Variants in DST observed in about 807,000 individuals in gnomAD.
The protein encoded by DST is dystonin.
DST carries 253 observed loss-of-function variants against 875.2 expected under a neutral mutation model. That is an observed-to-expected ratio of 0.29 (90% CI 0.26 to 0.32). The LOEUF is 0.32. DST is among the 10% of genes least tolerant of loss of function. DST has a pLI of 1.00. For missense variants in DST, 8,287 were observed against 9,111.6 expected, an observed-to-expected ratio of 0.91 and a Z score of 3.68; for synonymous variants, 3,124 against 3,197.1, an observed-to-expected ratio of 0.98 and a Z score of 0.77.
In DST at chr6:56,629,333, C is replaced by A. The variant is rs2098758411; in HGVS notation, c.4392G>T (p.Arg1464=). The change falls in exon 32 of 104, where the codon CGG becomes CGT. Residue 1464 remains arginine (R), a synonymous_variant. Transcript: ENST00000680361. ...SDEMFKTYKE[R]DLDFDWHKEK... ...CTTTGTGCCAGTCAAAATCAAGGTC[C>A]CGTTCTTTATACGTTTTAAACATTT... The A allele has an allele frequency of 1.2e-6, 2 of 1,613,706 alleles. No homozygotes were observed. The highest frequency in any genetic ancestry group is 1.7e-6 in the Non-Finnish European group (2 of 1,179,786).
At chr6:56,611,274 C>T (rs1229346767) in intron 38 of DST, among the ~76,000 whole-genome samples, 1 of 152,152 alleles carries the variant, frequency 6.6e-6, no homozygotes, top group Non-Finnish European at 1.5e-5. Context: ...CCTCTCTGAG[C>T]CTGTTTCCTT....
At chr6:56,567,815 T>TA (rs1055673932) in intron 55 of DST, among the ~76,000 whole-genome samples, 2 of 152,140 alleles carry the variant, frequency 1.3e-5, no homozygotes, top group Non-Finnish European at 2.9e-5. Flanking sequence ...ATTATTTTTT[T>TA]AAAAAAACTT....
chr6:56,694,100 T>C (rs2099249039), intron 9 of DST, among the ~76,000 whole-genome samples: 1 of 150,274 alleles, frequency 6.7e-6, no homozygotes, highest in Non-Finnish European at 1.5e-5. Flanking sequence ...TTTATAATCA[T>C]ACCCTAGTTA....
intron 10 of DST, among the ~76,000 whole-genome samples, chr6:56,667,900 G>A (rs1400098884): frequency 6.6e-5 from 10 of 151,576 alleles, no homozygotes; most frequent in Admixed American, 1.3e-4. Flanking sequence ...AATGTCCAGA[G>A]GCCATTGTTT....
In DST at chr6:56,636,609, T is replaced by G. The variant is rs1366464246; in HGVS notation, c.3008A>C (p.Gln1003Pro). 3.1e-6 allele frequency: 5 copies of G among 1,613,686 alleles called. No individual in the cohort carries two copies. Among genetic ancestry groups the G allele is most frequent in the Non-Finnish European group, 4.2e-6 (5 of 1,179,964 alleles). The change falls in exon 23 of 104, where the codon CAG becomes CCG. Residue 1003 changes from glutamine to proline, a missense_variant. Physicochemically the swap from Gln to Pro is moderately conservative, Grantham distance 76. Coordinates refer to ENST00000680361, the MANE Select transcript of DST (RefSeq NM_001374736.1). ...GTGCTGCTCCACACACTGGCAGAGC[T>G]GTAAGATCCAGCTCCACTGCGTCTG... ...AMQTQWSWIL[Q>P]LCQCVEQHIK...
chr6:56,551,906 T>C (rs1371311638), intron 61 of DST, among the ~76,000 whole-genome samples: 1 of 152,134 alleles, frequency 6.6e-6, no homozygotes, highest in Non-Finnish European at 1.5e-5. Flanking sequence ...ATTCCAGAAA[T>C]GGACCCTATG....
intron 3 of DST, among the ~76,000 whole-genome samples, chr6:56,888,725 T>C (rs960901507): frequency 2.0e-5 from 3 of 152,230 alleles, no homozygotes; most frequent in Admixed American, 6.5e-5. Context: ...TCTGGTTAAT[T>C]TAATTATTAC....
At chr6:56,659,699 T>C (rs1348034757) in intron 10 of DST, among the ~76,000 whole-genome samples, 2 of 152,106 alleles carry the variant, frequency 1.3e-5, no homozygotes, top group South Asian at 2.1e-4. Context: ...AGGAAAGGAA[T>C]GATATAAGGT....
chr6:56,630,875 C>A (rs371174816), intron 30 of DST, among the ~76,000 whole-genome samples: 2 of 151,926 alleles, frequency 1.3e-5, no homozygotes, highest in African/African-American at 4.8e-5. Context: ...CTCCACCTCC[C>A]GGGTTCAAGT....
At chr6:56,506,629 C>T in intron 76 of DST, 38 bp downstream of exon 76, 3 of 1,611,516 alleles carry the variant, frequency 1.9e-6, no homozygotes, top group Non-Finnish European at 2.5e-6. Context: ...TAACTAAAAA[C>T]TTTTTAAAAG....
chr6:56,945,354 A>C (rs1562490405), intron 2 of DST, among the ~76,000 whole-genome samples: 1 of 152,202 alleles, frequency 6.6e-6, no homozygotes, highest in Non-Finnish European at 1.5e-5. Context: ...TTAAAAGAGA[A>C]GACAGATGGG....
chr6:56,689,613 T>C (rs1358835949), intron 9 of DST, among the ~76,000 whole-genome samples: 1 of 152,150 alleles, frequency 6.6e-6, no homozygotes, highest in Non-Finnish European at 1.5e-5. Flanking sequence ...CTTTGAGAAG[T>C]ACTGCTGCAG....
At chr6:56,753,857 A>T (rs2099595027) in intron 4 of DST, among the ~76,000 whole-genome samples, 1 of 152,238 alleles carries the variant, frequency 6.6e-6, no homozygotes, top group Non-Finnish European at 1.5e-5. Context: ...TCATGGAGGC[A>T]TATTCATTAA....
At chr6:56,561,691 T>C (rs1187859726) in intron 56 of DST, 142 bp from the exon 57 acceptor site, 4 of 746,410 alleles carry the variant, frequency 5.4e-6, no homozygotes, top group Non-Finnish European at 8.1e-6. Flanking sequence ...CATAAGCTTT[T>C]CAGAAATAAA....
chr6:56,625,077 C>T (rs998852539), intron 35 of DST, 80 bp downstream of exon 35: 4 of 1,016,452 alleles, frequency 3.9e-6, no homozygotes, highest in African/African-American at 1.6e-5. Context: ...GTATATTTTA[C>T]CACAACAAAA....
At chr6:56,459,435 G>T (rs2094207434) in intron 103 of DST, among the ~76,000 whole-genome samples, 168 bp from the exon 104 acceptor site, 1 of 152,174 alleles carries the variant, frequency 6.6e-6, no homozygotes, top group African/African-American at 2.4e-5. Flanking sequence ...AGGGTATGCA[G>T]GCTTACTCTA....
At chr6:56,482,233 G>A in intron 89 of DST, 55 bp from the exon 90 acceptor site, 2 of 1,562,212 alleles carry the variant, frequency 1.3e-6, no homozygotes, top group South Asian at 1.2e-5. Flanking sequence ...ATGCCTGTTA[G>A]CACAATTTAC....
intron 36 of DST, chr6:56,615,380 A>G (rs142367281): frequency 6.6e-7 from 1 of 1,524,866 alleles, no homozygotes. Context: ...TTGAGCACTT[A>G]GCAATTTGCA....
chr6:56,587,028 T>C (rs543562858), intron 49 of DST, among the ~76,000 whole-genome samples: 41 of 152,204 alleles, frequency 2.7e-4, no homozygotes, highest in South Asian at 6.2e-4. Context: ...AGGAACACAG[T>C]TCCTCACCAG....
Sources: allele counts gnomAD v4.1 joint callset (sites outside exome capture counted in the v4.1 genomes callset), GRCh38; gene constraint gnomAD v4.1.1; transcripts MANE v1.5; gene names NCBI Gene and HGNC (gene_info 2026-07-23, HGNC 2026-07-21).